The following ZC3H12B variants were observed in gnomAD, a reference collection of about 807,000 sequenced individuals.
ZC3H12B encodes the protein probable ribonuclease ZC3H12B.
ZC3H12B carries 7 observed loss-of-function variants against 43.9 expected under a neutral mutation model. That is an observed-to-expected ratio of 0.16 (90% CI 0.09 to 0.30). ZC3H12B has a LOEUF of 0.30. ZC3H12B is among the 10% of genes least tolerant of loss of function. ZC3H12B has a pLI of 1.00. For missense variants in ZC3H12B, 475 were observed against 670.2 expected (o/e 0.71, Z 3.22); for synonymous variants, 222 against 241.7 (o/e 0.92, Z 0.76).
At chrX:65,191,063 G>T in the ZC3H12B span, among the ~76,000 whole-genome samples, 2 of 88,533 alleles carry the variant, frequency 2.3e-5, no homozygotes, top group African/African-American at 9.6e-5. Context: ...TAATCATGTG[G>T]TTTTTGTCTT....
At chrX:65,091,055 AC>A in the ZC3H12B span, among the ~76,000 whole-genome samples, 1 of 111,258 alleles carries the variant, frequency 9.0e-6, no homozygotes, top group Non-Finnish European at 1.9e-5. Flanking sequence ...TACAACCTGC[AC>A]AACTGTGAGC....
chrX:65,303,707 A>G, the ZC3H12B span, among the ~76,000 whole-genome samples: 1 of 112,602 alleles, frequency 8.9e-6, no homozygotes, highest in Non-Finnish European at 1.9e-5. Flanking sequence ...AGTTTGAAGG[A>G]CACTAAGTAA....
At chrX:65,494,251 T>C (rs922574153) in intron 1 of ZC3H12B, among the ~76,000 whole-genome samples, 4 of 110,825 alleles carry the variant, frequency 3.6e-5, no homozygotes, top group Admixed American at 9.7e-5. Flanking sequence ...TTAATGATTA[T>C]ATGTATATAT....
the ZC3H12B span, among the ~76,000 whole-genome samples, chrX:65,228,120 T>C: frequency 8.9e-6 from 1 of 111,816 alleles, no homozygotes; most frequent in East Asian, 2.8e-4. Flanking sequence ...TGAACATTGA[T>C]GCAAAAATCC....
the ZC3H12B span, among the ~76,000 whole-genome samples, chrX:65,275,328 G>A: frequency 8.9e-6 from 1 of 112,797 alleles, no homozygotes; most frequent in Non-Finnish European, 1.9e-5. Context: ...CAGTCCAAGT[G>A]CCAGAACTGA....
At chrX:65,433,070 G>GA (rs2067182347) in intron 3 of ZC3H12B, among the ~76,000 whole-genome samples, 1 of 112,803 alleles carries the variant, frequency 8.9e-6, no homozygotes, top group Admixed American at 9.3e-5. Flanking sequence ...GAGATACGGA[G>GA]AAAAAGGCAT....
the ZC3H12B span, among the ~76,000 whole-genome samples, chrX:65,306,266 T>C: frequency 8.0e-5 from 9 of 112,597 alleles, no homozygotes; most frequent in African/African-American, 2.6e-4. Flanking sequence ...TCATACACTG[T>C]TAGTGGGATT....
the ZC3H12B span, among the ~76,000 whole-genome samples, chrX:65,150,502 C>A: frequency 9.1e-6 from 1 of 109,819 alleles, no homozygotes; most frequent in African/African-American, 3.3e-5. Flanking sequence ...CCCGACCCCC[C>A]AACAGGCCCT....
chrX:65,232,217 G>A, the ZC3H12B span, among the ~76,000 whole-genome samples: 2 of 110,979 alleles, frequency 1.8e-5, no homozygotes, highest in African/African-American at 6.6e-5. Context: ...CTCCAGCCTG[G>A]GTGACAGAGT....
At chrX:65,408,524 T>C (rs1279319822) in intron 3 of ZC3H12B, 1 of 1,206,759 alleles carries the variant, frequency 8.3e-7, no homozygotes, top group Non-Finnish European at 1.1e-6. Flanking sequence ...GCCTCACCCT[T>C]CGGGACTTCA....
chrX:65,210,857 G>A, the ZC3H12B span, among the ~76,000 whole-genome samples: 3 of 43,427 alleles, frequency 6.9e-5, no homozygotes, highest in South Asian at 4.3e-3. Flanking sequence ...CTCATAGGTG[G>A]GAATTGAACA....
the ZC3H12B span, among the ~76,000 whole-genome samples, chrX:65,181,591 G>T: frequency 8.9e-6 from 1 of 111,775 alleles, no homozygotes; most frequent in Non-Finnish European, 1.9e-5. Flanking sequence ...AGTGGGCAAA[G>T]GATATGAACA....
chrX:65,193,681 T>C, the ZC3H12B span, among the ~76,000 whole-genome samples: 1 of 111,988 alleles, frequency 8.9e-6, no homozygotes, highest in African/African-American at 3.2e-5. Flanking sequence ...GTGGTTTCAA[T>C]TGTTCTTGCT....
the ZC3H12B span, among the ~76,000 whole-genome samples, chrX:65,157,769 T>A: frequency 9.1e-6 from 1 of 110,476 alleles, no homozygotes; most frequent in Non-Finnish European, 1.9e-5. Flanking sequence ...CCTTTTCTTT[T>A]TTTTATTTTA....
intron 2 of ZC3H12B, among the ~76,000 whole-genome samples, chrX:65,376,331 TG>T (rs1358622409): frequency 8.9e-6 from 1 of 112,086 alleles, no homozygotes; most frequent in Non-Finnish European, 1.9e-5. Context: ...TGGACTGCCC[TG>T]GTACTGGAGA....
chrX:65,188,536 A>G, the ZC3H12B span, among the ~76,000 whole-genome samples: 1 of 110,617 alleles, frequency 9.0e-6, no homozygotes, highest in Non-Finnish European at 1.9e-5. Flanking sequence ...ATGTCTTATT[A>G]CAGTTTGGAT....
rs753814649 is a variant in ZC3H12B at position 65,460,533 on chromosome X, A to G, written n.408-28113A>G. Among the ~76,000 whole-genome samples, 4 of 111,891 alleles carry G rather than the reference A, an allele frequency of 3.6e-5. No individual in the cohort carries two copies. In the East Asian group the frequency reaches 1.1e-3, roughly 31 times the overall value. Reference sequence around the variant, plus strand: ...GAGATATAGACCAATGGCACAGAACAGAGCCCTCAGAAATAGTACCACATA... The same window carrying G: ...GAGATATAGACCAATGGCACAGAACGGAGCCCTCAGAAATAGTACCACATA... On this transcript the variant is annotated intron_variant and non_coding_transcript_variant, in intron 3 of 5. Transcript: ENST00000617377.
the ZC3H12B span, among the ~76,000 whole-genome samples, chrX:65,191,409 G>A: frequency 1.0e-5 from 1 of 96,965 alleles, no homozygotes; most frequent in Non-Finnish European, 2.0e-5. Flanking sequence ...GTAGAATTCG[G>A]CTGTGAATCC....
At chrX:65,433,898 C>T (rs1362483581) in intron 3 of ZC3H12B, among the ~76,000 whole-genome samples, 2 of 111,935 alleles carry the variant, frequency 1.8e-5, no homozygotes, top group South Asian at 7.5e-4. Flanking sequence ...TGATTTTATG[C>T]TTTGAGTGAA....
Sources: gnomAD v4.1 joint callset for allele counts (sites outside exome capture counted in the v4.1 genomes callset) on GRCh38, gnomAD v4.1.1 for gene constraint, MANE v1.5 for transcripts, NCBI Gene and HGNC (gene_info 2026-07-23, HGNC 2026-07-21) for gene names.